Variants in DLGAP1 observed in about 807,000 individuals in gnomAD.
DLGAP1 encodes the protein disks large-associated protein 1.
A neutral mutation model predicts 90.8 loss-of-function variants in DLGAP1; 11 were observed. That is an observed-to-expected ratio of 0.12 (90% CI 0.08 to 0.20). DLGAP1 has a LOEUF of 0.20. DLGAP1 is among the 10% of genes least tolerant of loss of function. The probability of loss-of-function intolerance (pLI) is 1.00; values close to 1 mark genes in which losing one functional copy is unlikely to be tolerated. For missense variants in DLGAP1, 1,050 were observed against 1,333.8 expected, an observed-to-expected ratio of 0.79 and a Z score of 3.31; for synonymous variants, 558 against 540.7, an observed-to-expected ratio of 1.03 and a Z score of -0.44.
At chr18:4,125,235 C>T (rs2076214455) in intron 2 of DLGAP1, among the ~76,000 whole-genome samples, 2 of 152,200 alleles carry the variant, frequency 1.3e-5, no homozygotes, top group South Asian at 4.1e-4. Context: ...TTACAATACA[C>T]AGCAGTGCAT....
intron 9 of DLGAP1, among the ~76,000 whole-genome samples, chr18:3,538,236 CA>C (rs1402070088): frequency 6.6e-6 from 1 of 151,960 alleles, no homozygotes; most frequent in African/African-American, 2.4e-5. Flanking sequence ...CCAAAATGAC[CA>C]AATACGTTGT....
Position 4,390,248 on chromosome 18 carries a change from A to G in DLGAP1, c.-267+64758T>C, listed in dbSNP as rs138978056. ...TTATAGCAGTTTTAGGTTCACAGGA[A>G]AATTGAAAGGAAAGGACAGAGGTCC... On this transcript the variant is annotated intron_variant, in intron 1 of 12. Transcript: ENST00000315677. Among the ~76,000 whole-genome samples, 1,160 of 152,224 alleles carry G rather than the reference A, an allele frequency of 7.6e-3. 14 individuals are homozygous for G. The highest frequency in any genetic ancestry group is 0.027 in the African/African-American group (1,103 of 41,512).
At chr18:4,205,171 T>C (rs963103732) in intron 1 of DLGAP1, among the ~76,000 whole-genome samples, 1 of 152,232 alleles carries the variant, frequency 6.6e-6, no homozygotes, top group Admixed American at 6.5e-5. Flanking sequence ...AAGTCACATG[T>C]GAACATGGCC....
At position 4,027,503 on chromosome 18, in the gene DLGAP1, C is replaced by CAA. The variant is rs59592467; in HGVS notation, c.-158-22304_-158-22303dup. Among the ~76,000 whole-genome samples, 309 of 55,644 alleles carry CAA rather than the reference C, an allele frequency of 5.6e-3. 7 individuals carry two copies. The highest frequency in any genetic ancestry group is 0.011 in the East Asian group (13 of 1,204). The allele number at this position is 55,644 out of a possible 152,430, so 36.5% of individuals were successfully genotyped here. A position where few individuals can be genotyped will look rare whatever the true frequency, so the allele number is the denominator to read the frequency against. On this transcript the variant is annotated intron_variant, in intron 2 of 12. Coordinates refer to ENST00000315677, the MANE Select transcript of DLGAP1 (RefSeq NM_004746.4). ...TAGGTGACAGAGCAAGACTCCGTCT[C>CAA]AAAAAAAAAAAAAAAAAAAAAAAAA...
At chr18:3,578,230 G>T (rs2055270560) in intron 8 of DLGAP1, among the ~76,000 whole-genome samples, 1 of 152,204 alleles carries the variant, frequency 6.6e-6, no homozygotes, top group East Asian at 1.9e-4. Flanking sequence ...TTTGGTAAAG[G>T]ATTGGAAACT....
At chr18:3,708,070 A>C (rs1398954345) in intron 7 of DLGAP1, among the ~76,000 whole-genome samples, 2 of 149,566 alleles carry the variant, frequency 1.3e-5, no homozygotes, top group African/African-American at 2.5e-5. Context: ...CAGTGGCGTG[A>C]CCCCAGCTCA....
intron 7 of DLGAP1, among the ~76,000 whole-genome samples, chr18:3,728,829 C>G (rs1365744666): frequency 1.3e-5 from 2 of 152,106 alleles, no homozygotes; most frequent in African/African-American, 4.8e-5. Flanking sequence ...TGGCGGGGAT[C>G]GGCTCCTAGG....
At chr18:4,367,004 C>CAAAAAAAAAA (rs67286288) in intron 1 of DLGAP1, among the ~76,000 whole-genome samples, 1 of 60,734 alleles carries the variant, frequency 1.6e-5, no homozygotes, top group African/African-American at 5.7e-5. Context: ...CTGTCAATGG[C>CAAAAAAAAAA]AAAAAAAAAA....
At chr18:4,115,762 C>A (rs559309266) in intron 2 of DLGAP1, among the ~76,000 whole-genome samples, 1 of 152,318 alleles carries the variant, frequency 6.6e-6, no homozygotes, top group South Asian at 2.1e-4. Flanking sequence ...CCGCGCCCAG[C>A]CCATCTGGTG....
intron 9 of DLGAP1, among the ~76,000 whole-genome samples, chr18:3,557,804 A>G (rs502650): frequency 0.58 from 88,621 of 151,780 alleles, 30,029 homozygotes; most frequent in Non-Finnish European, 0.73. Flanking sequence ...GCGGGTGCCT[A>G]TAATCACAGC....
intron 2 of DLGAP1, among the ~76,000 whole-genome samples, chr18:4,053,775 G>T (rs1342850683): frequency 6.6e-6 from 1 of 152,138 alleles, no homozygotes; most frequent in Non-Finnish European, 1.5e-5. Context: ...TACTCAGGTA[G>T]TTCTTTATAC....
chr18:3,543,767 A>C (rs12970610), intron 9 of DLGAP1, among the ~76,000 whole-genome samples: 39,516 of 152,058 alleles, frequency 0.26, 5,527 homozygotes, highest in East Asian at 0.46. Context: ...GTTTCCAGGG[A>C]GTGGTCCCCA....
At chr18:3,894,667 C>T (rs2071569304) in intron 3 of DLGAP1, 1 of 152,062 alleles carries the variant, frequency 6.6e-6, no homozygotes, top group Non-Finnish European at 1.5e-5. Flanking sequence ...GCAGTTTAGG[C>T]TCTTTTTTGA....
chr18:3,982,224 T>C (rs1295433426), intron 3 of DLGAP1, among the ~76,000 whole-genome samples: 1 of 152,320 alleles, frequency 6.6e-6, no homozygotes, highest in Admixed American at 6.5e-5. Context: ...TTTTTCACTG[T>C]GATTTTCACC....
chr18:4,015,948 AT>A (rs2074516638), intron 2 of DLGAP1, among the ~76,000 whole-genome samples: 1 of 152,214 alleles, frequency 6.6e-6, no homozygotes, highest in African/African-American at 2.4e-5. Context: ...AACAAATAAT[AT>A]TGTATAGATG....
At chr18:4,122,393 C>T (rs1266113885) in intron 2 of DLGAP1, among the ~76,000 whole-genome samples, 3 of 152,114 alleles carry the variant, frequency 2.0e-5, no homozygotes, top group Non-Finnish European at 1.5e-5. Context: ...CTGTAATTCC[C>T]AAGAAAGGCC....
At chr18:3,856,788 G>A (rs527996825) in intron 4 of DLGAP1, among the ~76,000 whole-genome samples, 26 of 152,002 alleles carry the variant, frequency 1.7e-4, no homozygotes, top group African/African-American at 5.8e-4. Flanking sequence ...GTGAACCTGG[G>A]AGGCAGATCT....
rs1338050229 is a variant in DLGAP1, at chr18:4,105,850, G to C, written c.-159+45330C>G. Among the ~76,000 whole-genome samples the C allele has an allele frequency of 4.6e-5, 7 of 151,768 alleles. No individual in the cohort carries two copies. The East Asian group carries it at 1.4e-3, about 30-fold the overall frequency. On this transcript the variant is annotated intron_variant, in intron 2 of 12. Transcript: ENST00000315677. ...TCGAGACCATCCTGGCTAACACGGT[G>C]AAACCCCGTCTCTACTAAAAATACA...
At chr18:3,887,289 G>C (rs2071342209) in intron 3 of DLGAP1, among the ~76,000 whole-genome samples, 1 of 152,212 alleles carries the variant, frequency 6.6e-6, no homozygotes, top group Non-Finnish European at 1.5e-5. Flanking sequence ...CAGGTAGTCA[G>C]GGCAAAATCA....
Sources: gnomAD v4.1 joint callset for allele counts (sites outside exome capture counted in the v4.1 genomes callset) on GRCh38, gnomAD v4.1.1 for gene constraint, MANE v1.5 for transcripts, NCBI Gene and HGNC (gene_info 2026-07-23, HGNC 2026-07-21) for gene names.